AHSA1: variants seen among roughly 807,000 people sequenced by gnomAD.
AHSA1 encodes the protein activator of HSP90 ATPase activity 1.
Under a neutral mutation model 46.1 loss-of-function variants are expected in AHSA1, and 14 were observed. That is an observed-to-expected ratio of 0.30 (90% CI 0.20 to 0.47). The LOEUF (loss-of-function observed/expected upper bound fraction) is 0.47, where lower values mean the gene tolerates loss of function less well. AHSA1 is among the 20% of genes least tolerant of loss of function. The pLI, the probability that AHSA1 is intolerant of heterozygous loss-of-function variation, is 0.99. For synonymous variants in AHSA1, 147 were observed against 145.8 expected (o/e 1.01, Z -0.06); for missense variants, 333 against 415.9 (o/e 0.80, Z 1.73).
At chr14:77,464,373 CAAA>C (rs1007977725) in intron 4 of AHSA1, among the ~76,000 whole-genome samples, 1 of 148,978 alleles carries the variant, frequency 6.7e-6, no homozygotes, top group African/African-American at 2.5e-5. Flanking sequence ...GACTCCATCT[CAAA>C]AAAAAAATAA....
chr14:77,465,677 T>C lies in AHSA1; in HGVS notation c.690+10T>C. On this transcript the variant is annotated intron_variant, in intron 6 of 8. Coordinates refer to ENST00000216479, the MANE Select transcript of AHSA1 (RefSeq NM_012111.3). ...GTTTACCACCCAAGAGGTAAGTAAG[T>C]CTTGTCCTTCAGGCCTCATGCCATC... 6.2e-7 allele frequency: 1 copy of C among 1,612,696 alleles called. No homozygotes were observed. Among genetic ancestry groups the C allele is most frequent in the Non-Finnish European group, 8.5e-7 (1 of 1,178,942 alleles).
intron 6 of AHSA1, 62 bp from the exon 7 acceptor site, chr14:77,468,021 G>A (rs1250337462): frequency 3.4e-6 from 4 of 1,190,808 alleles, no homozygotes; most frequent in Non-Finnish European, 4.6e-6. Context: ...TTGTCCTTGG[G>A]TCCCACTGAA....
chr14:77,464,212 A>C (rs2079038290), intron 4 of AHSA1, among the ~76,000 whole-genome samples: 1 of 152,146 alleles, frequency 6.6e-6, no homozygotes, highest in Non-Finnish European at 1.5e-5. Flanking sequence ...CCCCGTCTCT[A>C]CTAAAAATAC....
intron 4 of AHSA1, among the ~76,000 whole-genome samples, chr14:77,463,603 A>AC (rs1320475711): frequency 6.6e-6 from 1 of 151,408 alleles, no homozygotes; most frequent in Non-Finnish European, 1.5e-5. Context: ...AAAAAAACAA[A>AC]AAAAAAACTG....
In AHSA1 at chr14:77,464,580, G is replaced by C. The variant is rs1177510833; in HGVS notation, c.473-18G>C. On this transcript the variant is annotated intron_variant, in intron 4 of 8. Coordinates refer to ENST00000216479, the MANE Select transcript of AHSA1 (RefSeq NM_012111.3). ...TACTAAGAAGTAACTTCCATGAGCT[G>C]GAATTTTATCTTTTCAGAGTTCACC... 1 of 1,605,506 alleles carries C rather than the reference G, an allele frequency of 6.2e-7. No homozygotes were observed. The highest frequency in any genetic ancestry group is 1.7e-5 in the Admixed American group (1 of 58,260).
In AHSA1 at chr14:77,458,111, C is replaced by T; in HGVS notation, c.-79C>T. ...CGCTTCTAGTAGTTTCCAGGCGCTG[C>T]CGGGCGGCTGGCACTAAGCGGTCCT... On this transcript the variant is annotated 5_prime_UTR_variant, in exon 1 of 9. Coordinates refer to ENST00000216479, the MANE Select transcript of AHSA1 (RefSeq NM_012111.3). The T allele has an allele frequency of 1.5e-6, 2 of 1,309,880 alleles. No homozygotes were observed. The highest frequency in any genetic ancestry group is 1.6e-5 in the South Asian group (1 of 63,292). The allele number at this position is 1,309,880 out of a possible 1,614,324, so 81.1% of individuals were successfully genotyped here.
At chr14:77,465,515 T>A in intron 5 of AHSA1, 24 bp from the exon 6 acceptor site, 1 of 1,612,182 alleles carries the variant, frequency 6.2e-7, no homozygotes, top group Non-Finnish European at 8.5e-7. Flanking sequence ...TCTGTATTGA[T>A]CATTTTCACT....
chr14:77,459,645 C>A lies in AHSA1; in HGVS notation c.110C>A (p.Thr37Lys). 1 of 1,614,150 alleles carries A rather than the reference C, an allele frequency of 6.2e-7. No homozygotes were observed. The highest frequency in any genetic ancestry group is 8.5e-7 in the Non-Finnish European group (1 of 1,180,046). Residue 37 changes from threonine (T) to lysine (K), a missense_variant, in exon 2 of 9, where the codon ACG becomes AAG. By Grantham distance (78) the Thr-to-Lys change is moderately conservative (BLOSUM62 -1). Transcript: ENST00000216479. ...WTERDASNWS[T>K]DKLKTLFLAV... ...GAGAGAGATGCTTCAAATTGGTCCA[C>A]GGATAAGCTGAAAACACTGTTCCTG...
At chr14:77,460,930 T>C (rs575060129) in intron 2 of AHSA1, among the ~76,000 whole-genome samples, 64 of 149,588 alleles carry the variant, frequency 4.3e-4, no homozygotes, top group African/African-American at 1.3e-3. Context: ...GAGGCCAAGG[T>C]GGGCGGATCA....
At chr14:77,468,562 A>ATTTTTTTT in intron 8 of AHSA1, 54 bp downstream of exon 8, 2 of 1,090,630 alleles carry the variant, frequency 1.8e-6, no homozygotes, top group Non-Finnish European at 2.6e-6. Flanking sequence ...CTTTGCTGTA[A>ATTTTTTTT]TTTTTTTTTT....
intron 2 of AHSA1, among the ~76,000 whole-genome samples, chr14:77,461,505 G>A (rs935696072): frequency 6.6e-6 from 1 of 152,178 alleles, no homozygotes; most frequent in African/African-American, 2.4e-5. Context: ...AATCCAGCCT[G>A]AGCGACAGAG....
chr14:77,467,626 C>T (rs1170200601), intron 6 of AHSA1, among the ~76,000 whole-genome samples: 1 of 152,096 alleles, frequency 6.6e-6, no homozygotes, highest in Admixed American at 6.5e-5. Context: ...CCTGGACGGG[C>T]GGAGGTTGCG....
chr14:77,468,659 C>A, intron 8 of AHSA1, 151 bp downstream of exon 8: 1 of 686,124 alleles, frequency 1.5e-6, no homozygotes, highest in African/African-American at 1.9e-5. Context: ...ACCTCCCAGA[C>A]CCAAACGATC....
intron 6 of AHSA1, among the ~76,000 whole-genome samples, chr14:77,466,621 G>A (rs773206919): frequency 2.0e-5 from 3 of 152,220 alleles, no homozygotes; most frequent in Non-Finnish European, 2.9e-5. Context: ...AAATACTCTC[G>A]TGATAAGTTC....
At position 77,468,051 on chromosome 14, in the gene AHSA1, CTTTTTTTTTTTT is replaced by C; in HGVS notation, c.691-20_691-9del. ...ACTGAAAGCCATGTATCTTCTGCCT[CTTTTTTTTTTTT>C]TTTTTTTTTTTCCCTGCAGCTGGTG... On this transcript the variant is annotated intron_variant, in intron 6 of 8. Transcript: ENST00000216479. 3 of 683,206 alleles carry C rather than the reference CTTTTTTTTTTTT, an allele frequency of 4.4e-6. No individual in the cohort carries two copies. The highest frequency in any genetic ancestry group is 2.4e-5 in the African/African-American group (1 of 41,372). 42.3% of individuals were successfully genotyped at this position (683,206 alleles called of 1,614,324 possible). A position where few individuals can be genotyped will look rare whatever the true frequency, so the allele number is the denominator to read the frequency against.
intron 2 of AHSA1, chr14:77,460,135 G>A: frequency 2.9e-6 from 1 of 340,876 alleles, no homozygotes; most frequent in Non-Finnish European, 5.6e-6. Context: ...AAAGGAGGAA[G>A]GAGAGGATTT....
intron 4 of AHSA1, among the ~76,000 whole-genome samples, chr14:77,463,364 G>T (rs564022451): frequency 6.6e-6 from 1 of 151,824 alleles, no homozygotes; most frequent in Non-Finnish European, 1.5e-5. Flanking sequence ...CGAGGTGGGC[G>T]GATCACCTGA....
chr14:77,460,304 G>T, intron 2 of AHSA1: 1 of 184,466 alleles, frequency 5.4e-6, no homozygotes. Context: ...TTGAGGTCAT[G>T]CGTATGACCG....
chr14:77,468,919 G>A (rs1594942005), intron 8 of AHSA1, 158 bp from the exon 9 acceptor site: 1 of 768,272 alleles, frequency 1.3e-6, no homozygotes, highest in East Asian at 2.6e-5. Flanking sequence ...TGTTAGCCAG[G>A]CTGGTCTGGA....
Sources: gnomAD v4.1 joint callset for allele counts (sites outside exome capture counted in the v4.1 genomes callset) on GRCh38, gnomAD v4.1.1 for gene constraint, MANE v1.5 for transcripts, NCBI Gene and HGNC (gene_info 2026-07-23, HGNC 2026-07-21) for gene names.